Variants in CDH12 observed in about 807,000 individuals in gnomAD.
CDH12 encodes the protein cadherin-12.
In CDH12, 41 loss-of-function variants were observed where a neutral mutation model predicts 74.1. The ratio of observed to expected loss-of-function variants is 0.55; its 90% CI spans 0.43 to 0.72. The LOEUF (loss-of-function observed/expected upper bound fraction) is 0.72, where lower values mean the gene tolerates loss of function less well. Ranked by LOEUF, CDH12 falls within the 30% of genes least tolerant of loss-of-function variation. The pLI, the probability that CDH12 is intolerant of heterozygous loss-of-function variation, is 0.00. For synonymous variants in CDH12, 399 were observed against 355.0 expected (o/e 1.12, Z -1.39); for missense variants, 945 against 977.2 (o/e 0.97, Z 0.44).
chr5:22,319,250 G>A (rs76725424), intron 3 of CDH12, among the ~76,000 whole-genome samples: 82 of 152,298 alleles, frequency 5.4e-4, no homozygotes, highest in Middle Eastern at 3.4e-3. Flanking sequence ...AATCATTGGC[G>A]ATACTCTAAT....
At chr5:21,901,376 CATA>C (rs755620933) in intron 6 of CDH12, among the ~76,000 whole-genome samples, 6 of 152,132 alleles carry the variant, frequency 3.9e-5, no homozygotes, top group Non-Finnish European at 7.3e-5. Flanking sequence ...CCATGTTACA[CATA>C]ATAAGATCCC....
intron 7 of CDH12, among the ~76,000 whole-genome samples, chr5:21,843,823 T>C (rs1750010871): frequency 1.3e-5 from 2 of 152,196 alleles, no homozygotes; most frequent in South Asian, 4.1e-4. Flanking sequence ...TGGTTCTACA[T>C]ACCTTAAGTT....
intron 11 of CDH12, among the ~76,000 whole-genome samples, chr5:21,771,106 G>A (rs559255509): frequency 6.2e-4 from 94 of 152,142 alleles, no homozygotes; most frequent in Admixed American, 1.0e-3. Flanking sequence ...CTATTACCTA[G>A]TGACAAAATA....
intron 6 of CDH12, among the ~76,000 whole-genome samples, chr5:21,887,438 G>A (rs147507962): frequency 6.6e-6 from 1 of 152,240 alleles, no homozygotes; most frequent in African/African-American, 2.4e-5. Flanking sequence ...AACATCAATA[G>A]TGACTTGAAA....
intron 2 of CDH12, among the ~76,000 whole-genome samples, chr5:22,454,697 A>C (rs900632488): frequency 6.6e-6 from 1 of 152,084 alleles, no homozygotes; most frequent in African/African-American, 2.4e-5. Context: ...CTAGTCTCGA[A>C]CTCCTGTCCT....
At chr5:22,182,821 A>AT (rs1489495044) in intron 4 of CDH12, among the ~76,000 whole-genome samples, 2 of 151,702 alleles carry the variant, frequency 1.3e-5, no homozygotes, top group African/African-American at 4.8e-5. Flanking sequence ...GATCAACACT[A>AT]TAAGTTCTAA....
At chr5:22,132,187 C>T (rs1205324703) in intron 4 of CDH12, among the ~76,000 whole-genome samples, 7 of 151,908 alleles carry the variant, frequency 4.6e-5, no homozygotes, top group African/African-American at 1.7e-4. Flanking sequence ...AGTGCTACAA[C>T]CTCCTTCCAC....
intron 3 of CDH12, among the ~76,000 whole-genome samples, chr5:22,351,960 T>C (rs527571119): frequency 2.7e-4 from 41 of 152,288 alleles, no homozygotes; most frequent in African/African-American, 9.4e-4. Flanking sequence ...CAGTTAAATC[T>C]TTGAGGAAAC....
chr5:22,602,710 C>A (rs771306900), intron 1 of CDH12, among the ~76,000 whole-genome samples: 2 of 152,242 alleles, frequency 1.3e-5, no homozygotes, highest in South Asian at 4.1e-4. Context: ...ATGTCAATAA[C>A]TATGCATTAC....
At chr5:22,802,836 G>C (rs1459166219) in intron 1 of CDH12, among the ~76,000 whole-genome samples, 1 of 152,074 alleles carries the variant, frequency 6.6e-6, no homozygotes, top group Non-Finnish European at 1.5e-5. Flanking sequence ...GCAATCTGTT[G>C]AGAGCCGAGT....
At chr5:22,063,003 A>G (rs1409255013) in intron 5 of CDH12, among the ~76,000 whole-genome samples, 1 of 152,184 alleles carries the variant, frequency 6.6e-6, no homozygotes, top group East Asian at 1.9e-4. Flanking sequence ...AATTGAACAT[A>G]TAAATACATG....
At chr5:22,776,823 A>G (rs1747127549) in intron 1 of CDH12, among the ~76,000 whole-genome samples, 1 of 152,198 alleles carries the variant, frequency 6.6e-6, no homozygotes, top group Admixed American at 6.6e-5. Flanking sequence ...CAATAAATTA[A>G]TAAGTTCTAA....
chr5:22,058,413 C>T (rs774951015), intron 5 of CDH12, among the ~76,000 whole-genome samples: 9 of 152,086 alleles, frequency 5.9e-5, no homozygotes, highest in Non-Finnish European at 1.3e-4. Flanking sequence ...TCATAAGGTA[C>T]TATTTGACAT....
At chr5:22,042,573 T>C (rs1739645566) in intron 5 of CDH12, among the ~76,000 whole-genome samples, 1 of 152,066 alleles carries the variant, frequency 6.6e-6, no homozygotes, top group African/African-American at 2.4e-5. Flanking sequence ...TTGGAAAACC[T>C]ATCAAGAATG....
intron 4 of CDH12, among the ~76,000 whole-genome samples, chr5:22,197,860 G>T (rs1459442755): frequency 6.6e-6 from 1 of 152,050 alleles, no homozygotes; most frequent in East Asian, 1.9e-4. Context: ...TATGCTTCTT[G>T]CAGAAAATCC....
At chr5:21,973,134 G>T (rs540673684) in intron 6 of CDH12, among the ~76,000 whole-genome samples, 31 of 151,686 alleles carry the variant, frequency 2.0e-4, no homozygotes, top group African/African-American at 6.8e-4. Flanking sequence ...TTCAGCCCAG[G>T]AATTTAAGGC....
chr5:21,865,337 C>A (rs1349806056), intron 6 of CDH12, among the ~76,000 whole-genome samples: 1 of 152,058 alleles, frequency 6.6e-6, no homozygotes, highest in Non-Finnish European at 1.5e-5. Flanking sequence ...TTTATGAGAT[C>A]AAACTAAGGG....
intron 2 of CDH12, among the ~76,000 whole-genome samples, chr5:22,497,836 T>G (rs2126650621): frequency 6.6e-6 from 1 of 151,672 alleles, no homozygotes; most frequent in East Asian, 1.9e-4. Flanking sequence ...AGAGACGGGG[T>G]TTCACCATGT....
chr5:22,126,370 A>G (rs1200475361), intron 4 of CDH12, among the ~76,000 whole-genome samples: 1 of 152,096 alleles, frequency 6.6e-6, no homozygotes, highest in Non-Finnish European at 1.5e-5. Flanking sequence ...CTGCTATTAG[A>G]TATTATGAGG....
Sources: gnomAD v4.1 joint callset for allele counts (sites outside exome capture counted in the v4.1 genomes callset) on GRCh38, gnomAD v4.1.1 for gene constraint, MANE v1.5 for transcripts, NCBI Gene and HGNC (gene_info 2026-07-23, HGNC 2026-07-21) for gene names.